The following MRRF variants were observed in gnomAD, a reference collection of about 807,000 sequenced individuals.
The protein encoded by MRRF is mitochondrial ribosome recycling factor.
MRRF carries 18 observed loss-of-function variants against 25.1 expected under a neutral mutation model. The ratio of observed to expected loss-of-function variants is 0.72; its 90% CI spans 0.50 to 1.06. The LOEUF (loss-of-function observed/expected upper bound fraction) is 1.06, where lower values mean the gene tolerates loss of function less well. MRRF is among the 50% of genes least tolerant of loss of function. The pLI is 0.00. For missense variants in MRRF, 323 were observed against 319.3 expected (o/e 1.01, Z -0.09); for synonymous variants, 113 against 112.1 (o/e 1.01, Z -0.05).
chr9:122,305,410 C>CAAAA (rs371802454), intron 5 of MRRF, among the ~76,000 whole-genome samples: 1 of 65,752 alleles, frequency 1.5e-5, no homozygotes, highest in East Asian at 4.9e-4. Context: ...AGACTCATCT[C>CAAAA]AAAAAAAAAA....
At chr9:122,298,290 C>G (rs1230961535) in intron 5 of MRRF, among the ~76,000 whole-genome samples, 2 of 152,186 alleles carry the variant, frequency 1.3e-5, no homozygotes, top group African/African-American at 4.8e-5. Context: ...TTACAAAGCT[C>G]AAGTCAGGAT....
intron 3 of MRRF, among the ~76,000 whole-genome samples, chr9:122,281,348 C>CCT (rs1426972708): frequency 6.6e-6 from 1 of 152,206 alleles, no homozygotes; most frequent in Non-Finnish European, 1.5e-5. Flanking sequence ...TCTTAAGGTA[C>CCT]CTGTGGGAGC....
rs1035085017 is a variant in MRRF, at chr9:122,330,658, A to G, written c.*8041A>G. The stretch of plus-strand genomic sequence containing the variant: ...CAGAGACACACAGAGGGCCTAGTGC[A>G]GTAGCTCATGCCTGGAATCTCAGCA... On this transcript the variant is annotated 3_prime_UTR_variant, in exon 7 of 7. Coordinates refer to ENST00000344641, the MANE Select transcript of MRRF (RefSeq NM_138777.5). This position sits in a 1 kb window ranked among gnomAD's most constrained non-coding sequence, Gnocchi z 4.2. 2 of 152,264 alleles carry G rather than the reference A, an allele frequency of 1.3e-5. No homozygotes were observed. The highest frequency in any genetic ancestry group is 2.9e-5 in the Non-Finnish European group (2 of 68,070). The allele number at this position is 152,264 out of a possible 1,614,324, so 9.4% of individuals were successfully genotyped here. A position where few individuals can be genotyped will look rare whatever the true frequency, so the allele number is the denominator to read the frequency against.
At chr9:122,281,311 A>G (rs1462392951) in intron 3 of MRRF, among the ~76,000 whole-genome samples, 1 of 152,226 alleles carries the variant, frequency 6.6e-6, no homozygotes, top group African/African-American at 2.4e-5. Context: ...AATTGTCATC[A>G]TCCTAAAGTC....
chr9:122,308,129 CT>C (rs2118927489), intron 5 of MRRF, among the ~76,000 whole-genome samples: 1 of 152,250 alleles, frequency 6.6e-6, no homozygotes, highest in Admixed American at 6.5e-5. Context: ...AAGTATGACC[CT>C]GCCAGCTCAG....
chr9:122,283,997 T>C (rs910121887), intron 3 of MRRF, among the ~76,000 whole-genome samples: 1 of 150,856 alleles, frequency 6.6e-6, no homozygotes, highest in Non-Finnish European at 1.5e-5. Flanking sequence ...GTTGTTGTTG[T>C]TGTTGTTTGT....
intron 5 of MRRF, among the ~76,000 whole-genome samples, chr9:122,296,360 T>C (rs940283300): frequency 6.6e-6 from 1 of 152,210 alleles, no homozygotes; most frequent in Non-Finnish European, 1.5e-5. Context: ...ATTCATGTAA[T>C]TACATTTTAG....
chr9:122,293,512 C>T (rs935086590), intron 5 of MRRF, among the ~76,000 whole-genome samples: 12 of 152,184 alleles, frequency 7.9e-5, no homozygotes, highest in Admixed American at 1.3e-4. Context: ...TTTCCTGCCT[C>T]GTGGCCAGAA....
At chr9:122,269,058 T>C (rs1038494440) in intron 1 of MRRF, among the ~76,000 whole-genome samples, 8 of 151,110 alleles carry the variant, frequency 5.3e-5, no homozygotes, top group Non-Finnish European at 7.4e-5. Flanking sequence ...CCCAGCTACT[T>C]GGGAGGCTGA....
Position 122,323,876 on chromosome 9 carries a change from G to A in MRRF, c.*1259G>A, listed in dbSNP as rs773543353. 2 of 152,180 alleles carry A rather than the reference G, an allele frequency of 1.3e-5. No homozygotes were observed. Among genetic ancestry groups the A allele is most frequent in the Non-Finnish European group, 2.9e-5 (2 of 68,038 alleles). 9.4% of individuals were successfully genotyped at this position (152,180 alleles called of 1,614,324 possible). A position where few individuals can be genotyped will look rare whatever the true frequency, so the allele number is the denominator to read the frequency against. ...CATTGTCAGCGTCATTTACATAGAG[G>A]TGAAGTTTCTTGTGCAGGGTTACAC... is the stretch of plus-strand genomic sequence containing the variant. On this transcript the variant is annotated 3_prime_UTR_variant, in exon 7 of 7. Transcript: ENST00000344641.
intron 6 of MRRF, among the ~76,000 whole-genome samples, chr9:122,316,462 G>GC (rs1448884936): frequency 6.6e-6 from 1 of 152,026 alleles, no homozygotes; most frequent in Non-Finnish European, 1.5e-5. Flanking sequence ...AGGCATGAGT[G>GC]CCCAGCTAAA....
At position 122,325,179 on chromosome 9, in the gene MRRF, CAG is replaced by C. The variant is rs1564522209; in HGVS notation, c.*2563_*2564del. The C allele has an allele frequency of 6.6e-6, 1 of 152,142 alleles. No homozygotes were observed. Among genetic ancestry groups the C allele is most frequent in the African/African-American group, 2.4e-5 (1 of 41,414 alleles). The allele number at this position is 152,142 out of a possible 1,614,324, so 9.4% of individuals were successfully genotyped here. A position where few individuals can be genotyped will look rare whatever the true frequency, so the allele number is the denominator to read the frequency against. On this transcript the variant is annotated 3_prime_UTR_variant, in exon 7 of 7. Coordinates refer to ENST00000344641, the MANE Select transcript of MRRF (RefSeq NM_138777.5). ...AACAAAAACTTATTTGGTGAACAGA[CAG>C]GGAGGAAAATGAAAGATTTTCTGTA...
At chr9:122,270,428 CA>C (rs1832378642) in intron 1 of MRRF, among the ~76,000 whole-genome samples, 1 of 152,184 alleles carries the variant, frequency 6.6e-6, no homozygotes, top group African/African-American at 2.4e-5. Context: ...GTGAATTTTC[CA>C]GTCATTTTAT....
intron 6 of MRRF, 100 bp from the exon 7 acceptor site, chr9:122,322,437 CTAT>C: frequency 9.8e-7 from 1 of 1,016,006 alleles, no homozygotes; most frequent in East Asian, 2.6e-5. Context: ...ACTTTTGTCA[CTAT>C]TATTATTTCT....
In MRRF at chr9:122,308,912, A is replaced by T. The variant is rs117088864; in HGVS notation, c.552-4315A>T. On this transcript the variant is annotated intron_variant, in intron 5 of 6. Coordinates refer to ENST00000344641, the MANE Select transcript of MRRF (RefSeq NM_138777.5). The stretch of plus-strand genomic sequence containing the variant: ...GGGATGGGGTCTCACTGACTTGTCC[A>T]GGCTTGTATTTTAGTCATTTTTTAA... Among the ~76,000 whole-genome samples, 755 of 152,194 alleles carry T rather than the reference A, an allele frequency of 5.0e-3. 6 individuals carry two copies. The highest frequency in any genetic ancestry group is 0.024 in the Middle Eastern group (7 of 294).
chr9:122,322,514 G>T (rs1378874778), intron 6 of MRRF, 26 bp from the exon 7 acceptor site: 1 of 1,608,892 alleles, frequency 6.2e-7, no homozygotes, highest in African/African-American at 1.3e-5. Flanking sequence ...CCATTAATCA[G>T]GCTGTCTCAT....
chr9:122,312,335 T>A (rs1397149599), intron 5 of MRRF, among the ~76,000 whole-genome samples: 2 of 152,232 alleles, frequency 1.3e-5, no homozygotes, highest in African/African-American at 4.8e-5. Flanking sequence ...ATTGTTGTTT[T>A]GAGAATACCT....
At chr9:122,287,357 A>T (rs1057050824) in intron 4 of MRRF, among the ~76,000 whole-genome samples, 1 of 152,224 alleles carries the variant, frequency 6.6e-6, no homozygotes, top group Non-Finnish European at 1.5e-5. Flanking sequence ...TTAGGTTGAT[A>T]AAAGGGAGGC....
intron 6 of MRRF, among the ~76,000 whole-genome samples, chr9:122,322,036 T>A (rs1364861983): frequency 6.6e-6 from 1 of 152,156 alleles, no homozygotes; most frequent in Non-Finnish European, 1.5e-5. Context: ...ATAGTATCTA[T>A]CTTATGGGTT....
Sources: gnomAD v4.1 joint callset for allele counts (sites outside exome capture counted in the v4.1 genomes callset) on GRCh38, gnomAD v4.1.1 for gene constraint, Gnocchi (gnomAD v3.1) non-coding constraint, MANE v1.5 for transcripts, NCBI Gene and HGNC (gene_info 2026-07-23, HGNC 2026-07-21) for gene names.